SARDH: variants seen among roughly 807,000 people sequenced by gnomAD.
SARDH encodes sarcosine dehydrogenase.
SARDH carries 95 observed loss-of-function variants against 109.1 expected under a neutral mutation model. That is an observed-to-expected ratio of 0.87 (90% confidence interval 0.74 to 1.03). The LOEUF is 1.03. Ranked by LOEUF, SARDH falls within the 50% of genes least tolerant of loss-of-function variation. The probability of loss-of-function intolerance (pLI) is 0.00; values close to 1 mark genes in which losing one functional copy is unlikely to be tolerated. For synonymous variants in SARDH, 572 were observed against 534.8 expected (o/e 1.07, Z -0.96); for missense variants, 1,267 against 1,287.8 (o/e 0.98, Z 0.25).
intron 4 of SARDH, 47 bp downstream of exon 4, chr9:133,731,258 G>C: frequency 6.2e-7 from 1 of 1,603,180 alleles, no homozygotes; most frequent in Non-Finnish European, 8.5e-7. Flanking sequence ...TAAGGCAGGA[G>C]GAGTGGGCTG....
chr9:133,688,002 C>G (rs779403129), intron 16 of SARDH, among the ~76,000 whole-genome samples: 5 of 152,158 alleles, frequency 3.3e-5, no homozygotes, highest in Admixed American at 1.3e-4. Flanking sequence ...CGGCCGCCCC[C>G]GGGCCGCACC....
At chr9:133,732,627 C>A in intron 2 of SARDH, 26 bp from the exon 3 acceptor site, 1 of 1,581,738 alleles carries the variant, frequency 6.3e-7, no homozygotes, top group Non-Finnish European at 8.6e-7. Flanking sequence ...GGTGCCATCA[C>A]TCCCCAGGGA....
chr9:133,726,394 A>ACAATAATAATAATAATAATAATAATAG (rs1554759932), intron 6 of SARDH, among the ~76,000 whole-genome samples: 1 of 132,338 alleles, frequency 7.6e-6, no homozygotes, highest in Non-Finnish European at 1.6e-5. Context: ...AATAATAATA[A>ACAATAATAATAATAATAATAATAATAG]TAGTAGTAGT....
At chr9:133,722,642 G>GCTCTCTCTCTCTCTCTCTCTCTCT (rs56179331) in intron 6 of SARDH, among the ~76,000 whole-genome samples, 2 of 145,844 alleles carry the variant, frequency 1.4e-5, no homozygotes, top group East Asian at 2.0e-4. Context: ...AACTACTAGC[G>GCTCTCTCTCTCTCTCTCTCTCTCT]CTCTCTCTCT....
In SARDH at chr9:133,728,904, A is replaced by G. The variant is rs1188742808; in HGVS notation, c.915+861T>C. On this transcript the variant is annotated intron_variant, in intron 6 of 20. Coordinates refer to ENST00000439388, the MANE Select transcript of SARDH (RefSeq NM_001134707.2). This position sits in a 1 kb window ranked among gnomAD's most constrained non-coding sequence, Gnocchi z 5.0. ...TTTAGGTGGGTGGGTGGATGGAAGGATATATGAAAGAAGGGATGGACAGAT... is the reference window on the plus strand; with the variant it reads ...TTTAGGTGGGTGGGTGGATGGAAGGGTATATGAAAGAAGGGATGGACAGAT... Among the ~76,000 whole-genome samples the G allele has an allele frequency of 2.0e-5, 3 of 152,046 alleles. No individual in the cohort carries two copies. Among genetic ancestry groups the G allele is most frequent in the Non-Finnish European group, 4.4e-5 (3 of 68,004 alleles).
At chr9:133,699,321 A>G (rs569071358) in intron 13 of SARDH, among the ~76,000 whole-genome samples, 2 of 152,070 alleles carry the variant, frequency 1.3e-5, no homozygotes, top group African/African-American at 2.4e-5. Flanking sequence ...AGCCTAGCCA[A>G]CATGGAGAAA....
intron 13 of SARDH, among the ~76,000 whole-genome samples, chr9:133,699,367 G>A (rs1831399748): frequency 6.6e-6 from 1 of 152,128 alleles, no homozygotes. Context: ...TTAGCTGGGC[G>A]TGGTGGTGTG....
intron 20 of SARDH, among the ~76,000 whole-genome samples, chr9:133,664,510 C>T (rs766659221): frequency 6.6e-6 from 1 of 152,178 alleles, no homozygotes; most frequent in Non-Finnish European, 1.5e-5. Flanking sequence ...GCCAGTCAGC[C>T]CCAGGTGCAG....
chr9:133,675,439 G>A (rs370785578), intron 17 of SARDH, among the ~76,000 whole-genome samples: 16 of 152,094 alleles, frequency 1.1e-4, no homozygotes, highest in African/African-American at 2.7e-4. Flanking sequence ...GATGCTCCAC[G>A]TCACTACCCA....
intron 17 of SARDH, among the ~76,000 whole-genome samples, chr9:133,676,904 C>T (rs536984001): frequency 7.2e-5 from 11 of 152,250 alleles, no homozygotes; most frequent in East Asian, 1.9e-4. Flanking sequence ...TTTGGGAGGC[C>T]GAGTTGGGCG....
intron 3 of SARDH, among the ~76,000 whole-genome samples, 161 bp downstream of exon 3, chr9:133,732,262 G>A (rs1190250906): frequency 1.6e-5 from 1 of 63,842 alleles, no homozygotes; most frequent in African/African-American, 6.9e-5. Context: ...CCAGCCCCCC[G>A]CAGGGGATGC....
At position 133,717,345 on chromosome 9, in the gene SARDH, C is replaced by G. The variant is rs754334166; in HGVS notation, c.1131G>C (p.Lys377Asn). 1.2e-6 allele frequency: 2 copies of G among 1,614,168 alleles called. No individual in the cohort carries two copies. The highest frequency in any genetic ancestry group is 1.1e-5 in the South Asian group (1 of 91,074). Residue 377 changes from lysine to asparagine, a missense_variant, in exon 8 of 21, where the codon AAG (lysine) becomes AAC (asparagine). Lys to Asn is a moderately conservative substitution (Grantham distance 94). Transcript: ENST00000439388. ...ACTCACCAGGGCCGCAGACCGTGGA[C>G]TTGATTCCTGTCTTCTCCAGCACGG... ...RVPVLEKTGIKSTVCGPESFT... is the reference protein window; with the variant it reads ...RVPVLEKTGINSTVCGPESFT...
downstream of SARDH, among the ~76,000 whole-genome samples, chr9:133,662,937 GAC>G (rs1564219709): frequency 2.6e-5 from 4 of 152,320 alleles, no homozygotes; most frequent in South Asian, 4.1e-4. This position sits in a 1 kb window ranked among gnomAD's most constrained non-coding sequence, Gnocchi z 5.1. Flanking sequence ...AGCTGCTTCT[GAC>G]ACACAGGCAG....
Position 133,693,135 on chromosome 9 carries a change from A to C in SARDH, c.1921+1123T>G, listed in dbSNP as rs1564258636. 1.4e-5 allele frequency among the ~76,000 whole-genome samples: 2 copies of C among 139,084 alleles called. No homozygotes were observed. The highest frequency in any genetic ancestry group is 7.3e-5 in the Admixed American group (1 of 13,702). The allele number at this position is 139,084 out of a possible 152,430, so 91.2% of individuals were successfully genotyped here. ...ACCCATCTAACATCCTACACCTTCC[A>C]CTTATTTTATTTTTTTAATCCTATT... On this transcript the variant is annotated intron_variant, in intron 15 of 20. Coordinates refer to ENST00000439388, the MANE Select transcript of SARDH (RefSeq NM_001134707.2). The surrounding 1 kb of genome is among the most constrained non-coding windows in gnomAD (Gnocchi z 5.6).
At chr9:133,661,351 AACAAC>A (rs1832411462), downstream of SARDH, among the ~76,000 whole-genome samples, 2 of 143,158 alleles carry the variant, frequency 1.4e-5, no homozygotes, top group African/African-American at 5.7e-5. Flanking sequence ...AAAAAAAAAC[AACAAC>A]AACAAAAAAA....
In SARDH at chr9:133,705,195, C is replaced by A. The variant is rs1024719090; in HGVS notation, c.1471-164G>T. Among the ~76,000 whole-genome samples the A allele has an allele frequency of 3.3e-5, 5 of 152,128 alleles. No individual in the cohort carries two copies. The East Asian group carries it at 9.6e-4, about 29-fold the overall frequency. On this transcript the variant is annotated intron_variant, in intron 11 of 20. Coordinates refer to ENST00000439388, the MANE Select transcript of SARDH (RefSeq NM_001134707.2). The stretch of plus-strand genomic sequence containing the variant: ...CAGTGTTTGCAGCTACCCTCACTGC[C>A]TCACCCTGAGAACCCCTATGTGTAG...
In SARDH at chr9:133,696,277, C is replaced by T; in HGVS notation, c.1753G>A (p.Asp585Asn). 6.2e-7 allele frequency: 1 copy of T among 1,614,176 alleles called. No individual in the cohort carries two copies. Among genetic ancestry groups the T allele is most frequent in the Non-Finnish European group, 8.5e-7 (1 of 1,180,024 alleles). ...AGCCAGTCGGCAGCCTTCCTTGCAT[C>T]CAGCCCCACCAGGTAGAACTTCCCG... Reference protein sequence around the residue: ...YFGKFYLVGLDARKAADWLFS... With the variant: ...YFGKFYLVGLNARKAADWLFS... The change falls in exon 14 of 21, where the codon GAT becomes AAT. Residue 585 changes from aspartate (D) to asparagine (N), a missense_variant. Physicochemically the swap from Asp to Asn is conservative, Grantham distance 23. Coordinates refer to ENST00000439388, the MANE Select transcript of SARDH (RefSeq NM_001134707.2).
At chr9:133,691,523 G>A (rs1288884287) in intron 15 of SARDH, among the ~76,000 whole-genome samples, 6 of 152,182 alleles carry the variant, frequency 3.9e-5, no homozygotes, top group Non-Finnish European at 8.8e-5. Flanking sequence ...GGGGAGCTGT[G>A]GGCTGTGCAG....
Position 133,718,784 on chromosome 9 carries a change from A to G in SARDH, c.1020+154T>C, listed in dbSNP as rs769367452. ...TGCCAGGACCGTCAGGGTAAGAGCA[A>G]GATGGCTTTGAGCTTGGTGGGGTCA... On this transcript the variant is annotated intron_variant, in intron 7 of 20. Coordinates refer to ENST00000439388, the MANE Select transcript of SARDH (RefSeq NM_001134707.2). This position sits in a 1 kb window ranked among gnomAD's most constrained non-coding sequence, Gnocchi z 4.2. 1 of 790,000 alleles carries G rather than the reference A, an allele frequency of 1.3e-6. No homozygotes were observed. Among genetic ancestry groups the G allele is most frequent in the Non-Finnish European group, 2.3e-6 (1 of 428,314 alleles). 48.9% of individuals were successfully genotyped at this position (790,000 alleles called of 1,614,324 possible).
Sources: allele counts gnomAD v4.1 joint callset (sites outside exome capture counted in the v4.1 genomes callset), GRCh38; gene constraint gnomAD v4.1.1; non-coding constraint Gnocchi (gnomAD v3.1); transcripts MANE v1.5; gene names NCBI Gene and HGNC (gene_info 2026-07-23, HGNC 2026-07-21).